Variants in PCCA observed in about 807,000 individuals in gnomAD.
PCCA encodes the protein propionyl-CoA carboxylase subunit alpha, also known as propionyl-CoA carboxylase alpha chain, mitochondrial.
PCCA carries 74 observed loss-of-function variants against 101.3 expected under a neutral mutation model. That is an observed-to-expected ratio of 0.73 (90% CI 0.61 to 0.89). The LOEUF is 0.89. PCCA is among the 40% of genes least tolerant of loss of function. PCCA has a pLI of 0.00. For missense variants in PCCA, 891 were observed against 907.0 expected, an observed-to-expected ratio of 0.98 and a Z score of 0.23; for synonymous variants, 294 against 313.6, an observed-to-expected ratio of 0.94 and a Z score of 0.66.
intron 4 of PCCA, among the ~76,000 whole-genome samples, chr13:100,113,901 A>G (rs2048557102): frequency 6.6e-6 from 1 of 152,220 alleles, no homozygotes; most frequent in Non-Finnish European, 1.5e-5. Flanking sequence ...CTTTCATAAT[A>G]AAACAGCATA....
At chr13:100,453,226 G>A (rs1015863560) in intron 21 of PCCA, among the ~76,000 whole-genome samples, 1 of 152,094 alleles carries the variant, frequency 6.6e-6, no homozygotes, top group South Asian at 2.1e-4. Context: ...TGGAGGCCGG[G>A]CATGGTGGCT....
chr13:100,404,600 T>C (rs1179884802), intron 19 of PCCA, among the ~76,000 whole-genome samples: 1 of 152,110 alleles, frequency 6.6e-6, no homozygotes, highest in African/African-American at 2.4e-5. Flanking sequence ...TCCTAGCAGA[T>C]ACTCAGGGTT....
At chr13:100,334,452 A>T (rs920324682) in intron 17 of PCCA, among the ~76,000 whole-genome samples, 2 of 152,194 alleles carry the variant, frequency 1.3e-5, no homozygotes, top group Admixed American at 1.3e-4. Flanking sequence ...AAGGAAAAGA[A>T]TTACTCATCT....
Position 100,515,514 on chromosome 13 carries a change from C to T in PCCA, c.1987C>T (p.Arg663Cys), listed in dbSNP as rs200710812. Residue 663 changes from arginine to cysteine, a missense_variant, in exon 22 of 24, where the codon CGT becomes TGT. Coordinates refer to ENST00000376285, the MANE Select transcript of PCCA (RefSeq NM_000282.4). ...GACTGAGGACACAAGCAGTGTTCTG[C>T]GTTCCCCGATGCCCGGAGTGGTGGT... ...KVTEDTSSVL[R>C]SPMPGVVVAV... 2.8e-5 allele frequency: 46 copies of T among 1,614,138 alleles called. No individual in the cohort carries two copies. Among genetic ancestry groups the T allele is most frequent in the South Asian group, 6.6e-5 (6 of 91,090 alleles).
intron 2 of PCCA, among the ~76,000 whole-genome samples, chr13:100,107,791 C>G (rs1452411012): frequency 1.3e-5 from 2 of 152,162 alleles, no homozygotes; most frequent in Non-Finnish European, 2.9e-5. Flanking sequence ...ATAGCCATTA[C>G]CTGATAGATG....
chr13:100,480,532 G>C (rs2083812641), intron 21 of PCCA, among the ~76,000 whole-genome samples: 1 of 152,150 alleles, frequency 6.6e-6, no homozygotes, highest in Non-Finnish European at 1.5e-5. Flanking sequence ...TTTACAAATG[G>C]GAGGTTGGCT....
At chr13:100,354,572 T>G (rs928675591) in intron 18 of PCCA, among the ~76,000 whole-genome samples, 3 of 152,080 alleles carry the variant, frequency 2.0e-5, no homozygotes, top group Non-Finnish European at 4.4e-5. Context: ...CAAAATGTGT[T>G]TGTTGGAAAG....
chr13:100,288,647 A>C (rs144808542), intron 12 of PCCA, among the ~76,000 whole-genome samples: 27 of 152,296 alleles, frequency 1.8e-4, no homozygotes, highest in African/African-American at 5.8e-4. Context: ...ACATTCTATG[A>C]GTTTGGACAA....
At chr13:100,235,507 T>C (rs2060742653) in intron 7 of PCCA, among the ~76,000 whole-genome samples, 1 of 152,194 alleles carries the variant, frequency 6.6e-6, no homozygotes, top group African/African-American at 2.4e-5. Context: ...GCGGACAAGC[T>C]TTAATGACCT....
intron 9 of PCCA, among the ~76,000 whole-genome samples, chr13:100,261,468 C>A (rs1344239079): frequency 6.6e-6 from 1 of 151,728 alleles, no homozygotes; most frequent in Non-Finnish European, 1.5e-5. Context: ...CAGGTTCAAG[C>A]GGTTCTCCTG....
chr13:100,527,840 GC>G, intron 23 of PCCA, 88 bp downstream of exon 23: 2 of 962,366 alleles, frequency 2.1e-6, no homozygotes, highest in Non-Finnish European at 1.7e-6. Context: ...GCTGGAAAGG[GC>G]CACAGAGGCG....
intron 19 of PCCA, among the ~76,000 whole-genome samples, chr13:100,424,672 C>T (rs933481304): frequency 3.3e-5 from 5 of 152,244 alleles, no homozygotes; most frequent in Middle Eastern, 3.4e-3. Flanking sequence ...CTGCCACCCC[C>T]GCCCTATCCC....
intron 21 of PCCA, among the ~76,000 whole-genome samples, chr13:100,466,541 C>CA (rs1226626134): frequency 1.3e-5 from 2 of 152,196 alleles, no homozygotes; most frequent in Non-Finnish European, 2.9e-5. Context: ...GGGAACATAG[C>CA]AACACTGCAA....
At position 100,111,878 on chromosome 13, in the gene PCCA, T is replaced by C; in HGVS notation, c.221T>C (p.Ile74Thr). Residue 74 changes from isoleucine to threonine, a missense_variant, in exon 3 of 24, where the codon ATT (isoleucine) becomes ACT (threonine). Transcript: ENST00000376285. ...ATTCTTGTTGCTAATAGAGGAGAAA[T>C]TGCATGTCGGGTGAGTAGAATTTTC... ...DKILVANRGE[I>T]ACRVIRTCKK... 6.2e-7 allele frequency: 1 copy of C among 1,610,606 alleles called. No individual in the cohort carries two copies. Among genetic ancestry groups the C allele is most frequent in the East Asian group, 2.2e-5 (1 of 44,738 alleles).
chr13:100,507,044 T>C (rs2086136874), intron 21 of PCCA, among the ~76,000 whole-genome samples: 1 of 152,212 alleles, frequency 6.6e-6, no homozygotes, highest in Admixed American at 6.5e-5. Flanking sequence ...CAGCCTGTAC[T>C]GTTAACAGGT....
chr13:100,113,842 G>A (rs548442112), intron 4 of PCCA, among the ~76,000 whole-genome samples: 4 of 152,036 alleles, frequency 2.6e-5, no homozygotes, highest in South Asian at 4.1e-4. Flanking sequence ...GCCTCCCAAC[G>A]TGCTGGGATT....
intron 8 of PCCA, among the ~76,000 whole-genome samples, chr13:100,255,624 T>C (rs942355151): frequency 1.3e-5 from 2 of 152,136 alleles, no homozygotes; most frequent in African/African-American, 4.8e-5. Flanking sequence ...TAAACAGGGT[T>C]TTGCAGGTAT....
At chr13:100,398,863 T>A (rs1057223905) in intron 19 of PCCA, among the ~76,000 whole-genome samples, 2 of 152,200 alleles carry the variant, frequency 1.3e-5, no homozygotes, top group African/African-American at 2.4e-5. Context: ...TTGCTTCAGT[T>A]GTGAAATTTA....
chr13:100,435,160 A>G (rs555012786), intron 20 of PCCA, among the ~76,000 whole-genome samples: 1 of 152,328 alleles, frequency 6.6e-6, no homozygotes, highest in East Asian at 1.9e-4. Flanking sequence ...TGCCAGCTGT[A>G]CAGGAAGTAT....
Sources: allele counts gnomAD v4.1 joint callset (sites outside exome capture counted in the v4.1 genomes callset), GRCh38; gene constraint gnomAD v4.1.1; transcripts MANE v1.5; gene names NCBI Gene and HGNC (gene_info 2026-07-23, HGNC 2026-07-21).